Variants in ZNF432 observed in about 807,000 individuals in gnomAD.
ZNF432 encodes the protein zinc finger protein 432.
ZNF432 carries 10 observed loss-of-function variants against 13.9 expected under a neutral mutation model. The observed-to-expected ratio is 0.72, with a 90% CI of 0.44 to 1.22. The LOEUF is 1.22. ZNF432 is among the 50% of genes most tolerant of loss of function. The pLI is 0.00. For synonymous variants in ZNF432, 247 were observed against 256.2 expected, an observed-to-expected ratio of 0.96 and a Z score of 0.34; for missense variants, 793 against 796.2, an observed-to-expected ratio of 1.00 and a Z score of 0.05.
chr19:52,032,759 T>G lies in ZNF432; in HGVS notation c.*961A>C, dbSNP rs147754880. The G allele has an allele frequency of 1.1e-4, 16 of 152,280 alleles. No individual in the cohort carries two copies. In the East Asian group the frequency reaches 2.9e-3, roughly 28 times the overall value. 9.4% of individuals were successfully genotyped at this position (152,280 alleles called of 1,614,324 possible). A position where few individuals can be genotyped will look rare whatever the true frequency, so the allele number is the denominator to read the frequency against. ...CATTATGTATCATTTTCATGAGACT[T>G]TTTTACTTCATGAATTTCCTGATCC... On this transcript the variant is annotated 3_prime_UTR_variant, in exon 5 of 5. Coordinates refer to ENST00000221315, the MANE Select transcript of ZNF432 (RefSeq NM_014650.4).
chr19:52,041,639 G>T (rs369863197), intron 2 of ZNF432, 33 bp from the exon 3 acceptor site: 2 of 1,613,658 alleles, frequency 1.2e-6, no homozygotes, highest in Non-Finnish European at 1.7e-6. Context: ...TTAATAGGAA[G>T]TGTTTCTCTT....
chr19:52,038,283 T>G (rs533399357), intron 4 of ZNF432, among the ~76,000 whole-genome samples: 2 of 152,246 alleles, frequency 1.3e-5, no homozygotes, highest in Non-Finnish European at 2.9e-5. Flanking sequence ...ACAATTCCTA[T>G]TTCATGCCTT....
rs2087033458 is a variant in ZNF432 at position 52,033,304 on chromosome 19, T to C, written c.*416A>G. On this transcript the variant is annotated 3_prime_UTR_variant, in exon 5 of 5. Transcript: ENST00000221315. The stretch of plus-strand genomic sequence containing the variant: ...CTACACTGCCTATATGCATGTATGC[T>C]AGGAGCACACTGCTGTTTAATCAGT... 5.9e-6 allele frequency: 1 copy of C among 168,524 alleles called. No individual in the cohort carries two copies. Among genetic ancestry groups the C allele is most frequent in the Admixed American group, 5.5e-5 (1 of 18,312 alleles). 10.4% of individuals were successfully genotyped at this position (168,524 alleles called of 1,614,324 possible).
Position 52,041,581 on chromosome 19 carries a change from G to A in ZNF432, c.41C>T (p.Thr14Ile), listed in dbSNP as rs1222947603. 1 of 1,614,064 alleles carries A rather than the reference G, an allele frequency of 6.2e-7. No homozygotes were observed. The highest frequency in any genetic ancestry group is 8.5e-7 in the Non-Finnish European group (1 of 1,179,984). ...CCACTCCTCCCAGGTGAACTCCACA[G>A]TAACATCCTCCAGTGTCAGCAATTC... Reference protein sequence around the residue: ...AQELLTLEDVTVEFTWEEWQL... With the variant: ...AQELLTLEDVIVEFTWEEWQL... Residue 14 changes from threonine to isoleucine, a missense_variant, in exon 3 of 5, where the codon ACT (threonine) becomes ATT (isoleucine). Physicochemically the swap from Thr to Ile is moderately conservative, Grantham distance 89. Coordinates refer to ENST00000221315, the MANE Select transcript of ZNF432 (RefSeq NM_014650.4).
intron 2 of ZNF432, among the ~76,000 whole-genome samples, chr19:52,043,210 C>A (rs947298878): frequency 6.6e-6 from 1 of 152,192 alleles, no homozygotes; most frequent in African/African-American, 2.4e-5. Flanking sequence ...CCATTTTGTT[C>A]TGTACTAAGA....
intron 2 of ZNF432, 27 bp downstream of exon 2, chr19:52,046,827 G>C (rs567509634): frequency 6.2e-7 from 1 of 1,611,322 alleles, no homozygotes. Context: ...TGGAATAAAG[G>C]AGAGAATAAA....
chr19:52,046,443 G>T (rs1052507430), intron 2 of ZNF432, among the ~76,000 whole-genome samples: 1 of 152,184 alleles, frequency 6.6e-6, no homozygotes, highest in Non-Finnish European at 1.5e-5. Context: ...GAAATCTTCT[G>T]CCTTTATTAG....
intron 4 of ZNF432, among the ~76,000 whole-genome samples, chr19:52,037,286 A>C (rs1479621461): frequency 6.6e-6 from 1 of 152,172 alleles, no homozygotes; most frequent in Non-Finnish European, 1.5e-5. Context: ...AAAAACATCC[A>C]TCACGTTTAA....
At chr19:52,043,210 C>T (rs947298878) in intron 2 of ZNF432, among the ~76,000 whole-genome samples, 2 of 152,192 alleles carry the variant, frequency 1.3e-5, no homozygotes, top group African/African-American at 4.8e-5. Flanking sequence ...CCATTTTGTT[C>T]TGTACTAAGA....
In ZNF432 at chr19:52,044,887, A is replaced by G. The variant is rs565323179; in HGVS notation, c.15+1967T>C. Among the ~76,000 whole-genome samples, 3 of 152,300 alleles carry G rather than the reference A, an allele frequency of 2.0e-5. No homozygotes were observed. The South Asian group carries it at 6.2e-4, about 32-fold the overall frequency. ...AATTAATTGCAGTGATTATTCCTTT[A>G]TATTCTAAAACTACACCACCTAAGG... On this transcript the variant is annotated intron_variant, in intron 2 of 4. Transcript: ENST00000221315.
intron 2 of ZNF432, among the ~76,000 whole-genome samples, chr19:52,044,298 G>T (rs7251513): frequency 0.076 from 11,538 of 151,826 alleles, 1,386 homozygotes; most frequent in African/African-American, 0.26. Flanking sequence ...AGTTTTTCCT[G>T]TTTAAAGTCC....
chr19:52,036,332 T>A (rs1469335875), intron 4 of ZNF432, among the ~76,000 whole-genome samples: 1 of 152,216 alleles, frequency 6.6e-6, no homozygotes, highest in Admixed American at 6.5e-5. Context: ...TAAGTGTGGT[T>A]TGATGGAGCA....
Position 52,034,192 on chromosome 19 carries a change from A to G in ZNF432, c.1487T>C (p.Val496Ala). ...CTGATGTAACATCAGTCCGCTATTCACAATGAAACCTTTCCCACATTCACT... is the reference window on the plus strand; with the variant it reads ...CTGATGTAACATCAGTCCGCTATTCGCAATGAAACCTTTCCCACATTCACT... ...RCSECGKGFI[V>A]NSGLMLHQRT... Residue 496 changes from valine to alanine, a missense_variant, in exon 5 of 5, where the codon GTG becomes GCG. Coordinates refer to ENST00000221315, the MANE Select transcript of ZNF432 (RefSeq NM_014650.4). 1 of 1,613,998 alleles carries G rather than the reference A, an allele frequency of 6.2e-7. No individual in the cohort carries two copies. Among genetic ancestry groups the G allele is most frequent in the Middle Eastern group, 1.7e-4 (1 of 6,060 alleles).
chr19:52,034,280 G>C lies in ZNF432; in HGVS notation c.1399C>G (p.Pro467Ala), dbSNP rs771572929. 2 of 1,611,726 alleles carry C rather than the reference G, an allele frequency of 1.2e-6. No individual in the cohort carries two copies. Among genetic ancestry groups the C allele is most frequent in the Non-Finnish European group, 1.7e-6 (2 of 1,179,220 alleles). ...YTCSECGKGF[P>A]LKSRLIVHQR... ...TGTACAATCAGCCGACTCTTCAAGGGGAAGCCTTTCCCACATTCACTGCAT... is the reference window on the plus strand; with the variant it reads ...TGTACAATCAGCCGACTCTTCAAGGCGAAGCCTTTCCCACATTCACTGCAT... Residue 467 changes from proline to alanine, a missense_variant, in exon 5 of 5, where the codon CCC (proline) becomes GCC (alanine). Coordinates refer to ENST00000221315, the MANE Select transcript of ZNF432 (RefSeq NM_014650.4).
Position 52,034,432 on chromosome 19 carries a change from A to G in ZNF432, c.1247T>C (p.Leu416Pro), listed in dbSNP as rs1212154748. The change falls in exon 5 of 5, where the codon CTT becomes CCT. Residue 416 changes from leucine (L) to proline (P), a missense_variant. Transcript: ENST00000221315. ...CGKGFPRKSN[L>P]IVHQRNHTVE... ...TGTATGATTTCTCTGATGTACAATA[A>G]GATTACTCTTCCTGGGAAAGCCTTT... 1 of 1,613,912 alleles carries G rather than the reference A, an allele frequency of 6.2e-7. No individual in the cohort carries two copies. Among genetic ancestry groups the G allele is most frequent in the Non-Finnish European group, 8.5e-7 (1 of 1,179,996 alleles).
At chr19:52,047,620 T>A (rs2087198208) in intron 1 of ZNF432, among the ~76,000 whole-genome samples, 1 of 149,088 alleles carries the variant, frequency 6.7e-6, no homozygotes, top group Non-Finnish European at 1.5e-5. Flanking sequence ...AAGTTTGCAG[T>A]GAGCCCAGCC....
chr19:52,047,189 G>A (rs1485114393), intron 1 of ZNF432, 129 bp from the exon 2 acceptor site: 7 of 348,640 alleles, frequency 2.0e-5, no homozygotes, highest in East Asian at 4.5e-5. Context: ...GCCTTTCTTC[G>A]GTGAAGTGTG....
chr19:52,037,777 G>C (rs1351408598), intron 4 of ZNF432, among the ~76,000 whole-genome samples: 1 of 136,942 alleles, frequency 7.3e-6, no homozygotes, highest in Non-Finnish European at 1.5e-5. Flanking sequence ...GCAACAAAGT[G>C]AGACTCTACC....
intron 2 of ZNF432, among the ~76,000 whole-genome samples, chr19:52,044,121 TCCCC>T (rs200209271): frequency 0.012 from 1,818 of 152,042 alleles, 21 homozygotes; most frequent in Admixed American, 0.022. Context: ...GGATAATCTA[TCCCC>T]ATATAATCAC....
Sources: allele counts gnomAD v4.1 joint callset (sites outside exome capture counted in the v4.1 genomes callset), GRCh38; gene constraint gnomAD v4.1.1; transcripts MANE v1.5; gene names NCBI Gene and HGNC (gene_info 2026-07-23, HGNC 2026-07-21).